The following UGT2B4 variants were observed in gnomAD, a reference collection of about 807,000 sequenced individuals.
UGT2B4 encodes the protein UDP-glucuronosyltransferase 2B4.
UGT2B4 carries 49 observed loss-of-function variants against 49.8 expected under a neutral mutation model. That is an observed-to-expected ratio of 0.98 (90% CI 0.78 to 1.25). UGT2B4 has a LOEUF of 1.25. UGT2B4 is among the 50% of genes most tolerant of loss of function. The pLI, the probability that UGT2B4 is intolerant of heterozygous loss-of-function variation, is 0.00. For synonymous variants in UGT2B4, 246 were observed against 217.7 expected, an observed-to-expected ratio of 1.13 and a Z score of -1.14; for missense variants, 729 against 627.7, an observed-to-expected ratio of 1.16 and a Z score of -1.73.
At chr4:69,523,132 T>C (rs1362504979) in intron 1 of UGT2B4, among the ~76,000 whole-genome samples, 2 of 152,174 alleles carry the variant, frequency 1.3e-5, no homozygotes, top group African/African-American at 4.8e-5. Context: ...ATAGGAATTG[T>C]AATAAATAAA....
chr4:69,484,671 C>A (rs115913061), intron 5 of UGT2B4, among the ~76,000 whole-genome samples: 1 of 152,002 alleles, frequency 6.6e-6, no homozygotes, highest in African/African-American at 2.4e-5. Context: ...GCTTCTTTTA[C>A]GTTGATACAA....
chr4:69,492,293 G>A (rs1314204191), intron 2 of UGT2B4, among the ~76,000 whole-genome samples: 2 of 152,032 alleles, frequency 1.3e-5, no homozygotes, highest in Non-Finnish European at 2.9e-5. Flanking sequence ...ATGCTAAGAT[G>A]TAAACCTCTG....
upstream of UGT2B4, among the ~76,000 whole-genome samples, chr4:69,496,523 A>G (rs1728168178): frequency 1.3e-5 from 2 of 152,230 alleles, no homozygotes; most frequent in African/African-American, 4.8e-5. Context: ...GTTGACGTAT[A>G]ATTCAGATAT....
intron 1 of UGT2B4, among the ~76,000 whole-genome samples, chr4:69,522,522 CAT>C (rs930785084): frequency 6.6e-6 from 1 of 152,130 alleles, no homozygotes; most frequent in Non-Finnish European, 1.5e-5. Flanking sequence ...GTGCAAATAA[CAT>C]ATCTAAAAAA....
At chr4:69,506,451 C>G (rs1021359535) in intron 1 of UGT2B4, among the ~76,000 whole-genome samples, 4 of 152,094 alleles carry the variant, frequency 2.6e-5, no homozygotes, top group Non-Finnish European at 4.4e-5. Flanking sequence ...ATGAACACCT[C>G]TATGCACAAG....
intron 5 of UGT2B4, 88 bp from the exon 6 acceptor site, chr4:69,480,998 C>T (rs1375855636): frequency 4.9e-6 from 7 of 1,429,948 alleles, no homozygotes; most frequent in African/African-American, 4.3e-5. Flanking sequence ...CAGCAGTTTC[C>T]GAGGTCGAGG....
At position 69,521,458 on chromosome 4, in the gene UGT2B4, C is replaced by T. The variant is rs988123464; in HGVS notation, c.-106+4229G>A. ...ACTGCAGCAGAAGCTGTGTGCAGTA[C>T]GTCTGGTCCAGCTGCAGCTTCACAC... On this transcript the variant is annotated intron_variant, in intron 1 of 1. Transcript: ENST00000510114. 6.6e-5 allele frequency among the ~76,000 whole-genome samples: 10 copies of T among 152,310 alleles called. 1 individual carries two copies. Among genetic ancestry groups the T allele is most frequent in the African/African-American group, 2.2e-4 (9 of 41,572 alleles).
intron 1 of UGT2B4, among the ~76,000 whole-genome samples, chr4:69,516,994 T>C (rs906900221): frequency 6.6e-6 from 1 of 152,152 alleles, no homozygotes; most frequent in African/African-American, 2.4e-5. Context: ...AAAATTGCTT[T>C]AAATACCTTG....
At chr4:69,517,799 G>T (rs1728766718) in intron 1 of UGT2B4, 1 of 171,358 alleles carries the variant, frequency 5.8e-6, no homozygotes. Context: ...ATGTCCGTTA[G>T]TCCTGTCATA....
intron 1 of UGT2B4, among the ~76,000 whole-genome samples, chr4:69,505,640 C>A (rs548645653): frequency 1.3e-5 from 2 of 152,226 alleles, no homozygotes; most frequent in South Asian, 2.1e-4. Flanking sequence ...TCCCCCGTGG[C>A]AATATTAAAC....
intron 1 of UGT2B4, among the ~76,000 whole-genome samples, chr4:69,509,788 C>T (rs923954736): frequency 6.6e-6 from 1 of 151,856 alleles, no homozygotes; most frequent in African/African-American, 2.4e-5. Context: ...CAGTATGTCT[C>T]CTGTTTCATA....
At chr4:69,502,093 C>G (rs1369884117) in intron 1 of UGT2B4, among the ~76,000 whole-genome samples, 2 of 79,688 alleles carry the variant, frequency 2.5e-5, no homozygotes, top group Admixed American at 2.4e-4. Context: ...CTTTCTCTCT[C>G]TTTCTTTCTT....
At chr4:69,512,886 T>A (rs1411799252) in intron 1 of UGT2B4, among the ~76,000 whole-genome samples, 1 of 152,204 alleles carries the variant, frequency 6.6e-6, no homozygotes, top group East Asian at 1.9e-4. Flanking sequence ...TGTCTTCTTT[T>A]GAAAGTGTAT....
Position 69,480,514 on chromosome 4 carries a change from A to AAAC in UGT2B4, c.*119_*120insGTT. 6.8e-7 allele frequency: 1 copy of AAAC among 1,460,568 alleles called. No homozygotes were observed. The highest frequency in any genetic ancestry group is 2.4e-5 in the Admixed American group (1 of 42,154). 90.5% of individuals were successfully genotyped at this position (1,460,568 alleles called of 1,614,324 possible). A position where few individuals can be genotyped will look rare whatever the true frequency, so the allele number is the denominator to read the frequency against. On this transcript the variant is annotated 3_prime_UTR_variant, in exon 6 of 6. Coordinates refer to ENST00000305107, the MANE Select transcript of UGT2B4 (RefSeq NM_021139.3). ...AAACAAATTTTGACTTGACAAGGTA[A>AAAC]GTTTTGAAAGATGTTTTGTCACAAG... is the stretch of plus-strand genomic sequence containing the variant.
At chr4:69,496,017 A>C (rs546826593), upstream of UGT2B4, 1,132 of 1,289,362 alleles carry the variant, frequency 8.8e-4, 6 homozygotes, top group Middle Eastern at 4.1e-3. Flanking sequence ...GATGACAAAG[A>C]GACAAATAAA....
intron 1 of UGT2B4, among the ~76,000 whole-genome samples, chr4:69,503,610 A>G (rs1728398829): frequency 6.6e-6 from 1 of 152,220 alleles, no homozygotes; most frequent in Admixed American, 6.5e-5. Flanking sequence ...AAAGCTGCAC[A>G]GAGAACAGGA....
chr4:69,485,423 G>A lies in UGT2B4; in HGVS notation c.1095C>T (p.His365=), dbSNP rs780100619. 1.2e-6 allele frequency: 2 copies of A among 1,613,592 alleles called. No homozygotes were observed. Among genetic ancestry groups the A allele is most frequent in the Non-Finnish European group, 1.7e-6 (2 of 1,179,746 alleles). Residue 365 remains histidine (H), a synonymous_variant, in exon 5 of 6, where the codon CAC becomes CAT. Coordinates refer to ENST00000305107, the MANE Select transcript of UGT2B4 (RefSeq NM_021139.3). Reference sequence around the variant, plus strand: ...GAGTTATAAAAGCTCTGGTTTTTGGGTGACCTAGGATTGGATGAATTTTAG... The same window carrying A: ...GAGTTATAAAAGCTCTGGTTTTTGGATGACCTAGGATTGGATGAATTTTAG... The part of the protein sequence containing the change: ...KWIPQNDLLG[H]PKTRAFITHG...
chr4:69,516,504 G>A (rs1016591816), intron 1 of UGT2B4, among the ~76,000 whole-genome samples: 9 of 152,040 alleles, frequency 5.9e-5, no homozygotes, highest in Non-Finnish European at 1.3e-4. Flanking sequence ...GTTGTTTTTT[G>A]ACTTTTTAAT....
intron 1 of UGT2B4, 51 bp downstream of exon 1, chr4:69,495,090 A>G: frequency 6.8e-7 from 1 of 1,468,758 alleles, no homozygotes; most frequent in Non-Finnish European, 9.0e-7. Context: ...CTCAGCTTCA[A>G]AGGTACAAGA....
Sources: gnomAD v4.1 joint callset for allele counts (sites outside exome capture counted in the v4.1 genomes callset) on GRCh38, gnomAD v4.1.1 for gene constraint, MANE v1.5 for transcripts, NCBI Gene and HGNC (gene_info 2026-07-23, HGNC 2026-07-21) for gene names.